The following CRYBG1 variants were observed in gnomAD, a reference collection of about 807,000 sequenced individuals.
CRYBG1 encodes the protein beta/gamma crystallin domain-containing protein 1.
In CRYBG1, 139 loss-of-function variants were observed where a neutral mutation model predicts 189.2. That is an observed-to-expected ratio of 0.73 (90% CI 0.64 to 0.85). The LOEUF (loss-of-function observed/expected upper bound fraction) is 0.85, where lower values mean the gene tolerates loss of function less well. Among genes scored for constraint, CRYBG1 ranks in the 40% least tolerant of loss-of-function variants. CRYBG1 has a pLI of 0.00. For missense variants in CRYBG1, 2,611 were observed against 2,675.8 expected (o/e 0.98, Z 0.53); for synonymous variants, 1,023 against 1,017.1 (o/e 1.01, Z -0.11).
At chr6:106,501,273 T>C (rs1270394259) in intron 2 of CRYBG1, among the ~76,000 whole-genome samples, 1 of 152,160 alleles carries the variant, frequency 6.6e-6, no homozygotes, top group Non-Finnish European at 1.5e-5. Context: ...TTCAAAAGTG[T>C]TCACCCTGCA....
chr6:106,568,560 T>C lies in CRYBG1; in HGVS notation c.6390T>C (p.Tyr2130=). The C allele has an allele frequency of 5.6e-6, 9 of 1,606,066 alleles. No homozygotes were observed. Among genetic ancestry groups the C allele is most frequent in the East Asian group, 2.2e-5 (1 of 44,846 alleles). ...FTQVWEAMVL[Y]T is the part of the protein sequence containing the mutation. ...AAGTGTGGGAAGCCATGGTCCTATA[T>C]ACCTGAACAAAGAAGGAAGAAGAAT... Residue 2130 remains tyrosine, a synonymous_variant, in exon 22 of 22, where the codon TAT becomes TAC. Transcript: ENST00000633556.
intron 10 of CRYBG1, among the ~76,000 whole-genome samples, chr6:106,542,408 G>A (rs1007276298): frequency 6.7e-6 from 1 of 150,032 alleles, no homozygotes; most frequent in Non-Finnish European, 1.5e-5. Context: ...TCAGCCTCCT[G>A]AATAGCTGGG....
intron 1 of CRYBG1, among the ~76,000 whole-genome samples, chr6:106,370,779 A>C (rs1770008698): frequency 6.6e-6 from 1 of 151,722 alleles, no homozygotes; most frequent in South Asian, 2.1e-4. Flanking sequence ...CTATACCTTC[A>C]CTCCTGGCCT....
chr6:106,407,928 T>C (rs1396849352), intron 1 of CRYBG1, among the ~76,000 whole-genome samples: 1 of 151,780 alleles, frequency 6.6e-6, no homozygotes, highest in Non-Finnish European at 1.5e-5. Flanking sequence ...GCAAGAAAGA[T>C]CTAAAATCAA....
At chr6:106,542,977 C>CATTTT (rs201220565) in intron 10 of CRYBG1, among the ~76,000 whole-genome samples, 42 of 148,118 alleles carry the variant, frequency 2.8e-4, no homozygotes, top group African/African-American at 6.4e-4. Flanking sequence ...ATGATTAGAA[C>CATTTT]ATTTTATTTT....
rs1262687545 is a variant in CRYBG1, at chr6:106,511,584, C to A, written c.467C>A (p.Ala156Asp). The change falls in exon 3 of 22, where the codon GCC becomes GAC. Residue 156 changes from alanine to aspartate, a missense_variant. This residue lies in a region of CRYBG1 where 985 missense variants were observed against 924.4 expected (regional missense o/e 1.07). Coordinates refer to ENST00000633556, the MANE Select transcript of CRYBG1 (RefSeq NM_001371242.2). ...CCACTCTCTCCCAAAGATGTGGTAGCCTCTCCTAAGCTCCCAGAGAGAGAG... is the reference window on the plus strand; with the variant it reads ...CCACTCTCTCCCAAAGATGTGGTAGACTCTCCTAAGCTCCCAGAGAGAGAG... ...AKPLSPKDVV[A>D]SPKLPERESE... 1.3e-6 allele frequency: 2 copies of A among 1,535,854 alleles called. No homozygotes were observed. Among genetic ancestry groups the A allele is most frequent in the South Asian group, 1.2e-5 (1 of 84,050 alleles).
chr6:106,564,910 A>AT (rs932725614), intron 21 of CRYBG1, among the ~76,000 whole-genome samples: 27 of 152,144 alleles, frequency 1.8e-4, no homozygotes, highest in Admixed American at 1.8e-3. Context: ...TACTCCATTA[A>AT]TTTTTTTAAA....
At chr6:106,373,616 G>A (rs889526958) in intron 1 of CRYBG1, among the ~76,000 whole-genome samples, 1 of 152,134 alleles carries the variant, frequency 6.6e-6, no homozygotes, top group African/African-American at 2.4e-5. Flanking sequence ...TTAAAATTAT[G>A]TTTAAGAATG....
chr6:106,550,636 A>G (rs564120020), intron 13 of CRYBG1, among the ~76,000 whole-genome samples: 90 of 152,192 alleles, frequency 5.9e-4, no homozygotes, highest in African/African-American at 2.1e-3. Flanking sequence ...GTGATGTTGG[A>G]AACACTGTTG....
At chr6:106,562,287 G>A (rs1774742447) in intron 20 of CRYBG1, among the ~76,000 whole-genome samples, 1 of 152,116 alleles carries the variant, frequency 6.6e-6, no homozygotes, top group Non-Finnish European at 1.5e-5. Flanking sequence ...AGAACTAGCA[G>A]GAGGAACAGA....
In CRYBG1 at chr6:106,561,209, A is replaced by T; in HGVS notation, c.5980-133A>T. The T allele has an allele frequency of 3.7e-6, 4 of 1,076,340 alleles. No individual in the cohort carries two copies. In the South Asian group the frequency reaches 7.3e-5, roughly 20 times the overall value. 66.7% of individuals were successfully genotyped at this position (1,076,340 alleles called of 1,614,324 possible). On this transcript the variant is annotated intron_variant, in intron 19 of 21. Coordinates refer to ENST00000633556, the MANE Select transcript of CRYBG1 (RefSeq NM_001371242.2). ...ACTCTTCTCATTGAGAAAATTTAAAACCTCTGAGACTCTTGAGTATGGTAA... is the reference window on the plus strand; with the variant it reads ...ACTCTTCTCATTGAGAAAATTTAAATCCTCTGAGACTCTTGAGTATGGTAA...
At chr6:106,529,112 A>AT (rs1773817953) in intron 7 of CRYBG1, among the ~76,000 whole-genome samples, 1 of 151,938 alleles carries the variant, frequency 6.6e-6, no homozygotes, top group Non-Finnish European at 1.5e-5. Context: ...CACCTGGCTA[A>AT]TTTTTGTGTT....
At chr6:106,530,411 A>G (rs866888406) in intron 8 of CRYBG1, 96 bp downstream of exon 8, 8 of 1,222,978 alleles carry the variant, frequency 6.5e-6, no homozygotes, top group East Asian at 2.4e-5. Flanking sequence ...CTAATTTGTC[A>G]TCCTGTTAAG....
At position 106,390,268 on chromosome 6, in the gene CRYBG1, A is replaced by T. The variant is rs187805825; in HGVS notation, c.173+29187A>T. ...AAATACTACTTGGTTTTAGGGACTT[A>T]GTACCAAAGCAGGAAATAGGATTAC... On this transcript the variant is annotated intron_variant, in intron 1 of 21. Coordinates refer to ENST00000633556, the MANE Select transcript of CRYBG1 (RefSeq NM_001371242.2). Among the ~76,000 whole-genome samples the T allele has an allele frequency of 4.5e-3, 684 of 152,290 alleles. 4 individuals are homozygous for T. Among genetic ancestry groups the T allele is most frequent in the African/African-American group, 0.016 (668 of 41,564 alleles).
chr6:106,487,709 A>G (rs1772623405), intron 2 of CRYBG1, among the ~76,000 whole-genome samples: 1 of 152,072 alleles, frequency 6.6e-6, no homozygotes, highest in African/African-American at 2.4e-5. Context: ...ACAGATTATG[A>G]ATTGATTTCC....
chr6:106,556,558 T>A (rs1719940681), intron 17 of CRYBG1, among the ~76,000 whole-genome samples: 2 of 152,206 alleles, frequency 1.3e-5, no homozygotes, highest in African/African-American at 2.4e-5. Flanking sequence ...CAGATTATAG[T>A]GCCCTCTTTT....
chr6:106,487,273 A>G (rs9386556), intron 2 of CRYBG1, among the ~76,000 whole-genome samples: 18,700 of 152,010 alleles, frequency 0.12, 1,332 homozygotes, highest in East Asian at 0.27. Flanking sequence ...TTAACTATTG[A>G]TGTTTTTTAC....
At chr6:106,405,790 T>A (rs1249280397) in intron 1 of CRYBG1, among the ~76,000 whole-genome samples, 1 of 152,206 alleles carries the variant, frequency 6.6e-6, no homozygotes, top group Non-Finnish European at 1.5e-5. Context: ...AGGCCCTGAC[T>A]GTTAGAAGGA....
intron 1 of CRYBG1, chr6:106,449,464 C>CT (rs1210216071): frequency 5.3e-5 from 8 of 152,306 alleles, no homozygotes; most frequent in African/African-American, 1.9e-4. Flanking sequence ...ACTTGAATGG[C>CT]TGACAATGTG....
Sources: gnomAD v4.1 joint callset for allele counts (sites outside exome capture counted in the v4.1 genomes callset) on GRCh38, gnomAD v4.1.1 for gene constraint, gnomAD v4.1.1 regional missense constraint, MANE v1.5 for transcripts, NCBI Gene and HGNC (gene_info 2026-07-23, HGNC 2026-07-21) for gene names.